The following CREM variants were observed in gnomAD, a reference collection of about 807,000 sequenced individuals.
CREM encodes cAMP responsive element modulator, also known as cAMP-responsive element modulator.
CREM carries 13 observed loss-of-function variants against 37.3 expected under a neutral mutation model. That is an observed-to-expected ratio of 0.35 (90% CI 0.23 to 0.55). The LOEUF is 0.55. Among genes scored for constraint, CREM ranks in the 20% least tolerant of loss-of-function variants. CREM has a pLI of 0.88. For missense variants in CREM, 296 were observed against 362.3 expected (o/e 0.82, Z 1.49); for synonymous variants, 124 against 120.2 (o/e 1.03, Z -0.21).
In CREM at chr10:35,159,899, G is replaced by A. The variant is rs188346506; in HGVS notation, c.168+11408G>A. On this transcript the variant is annotated intron_variant, in intron 3 of 7. Coordinates refer to ENST00000685392, the MANE Select transcript of CREM (RefSeq NM_183011.2). ...AAACAACCTGATTTTCTAAAAATGT[G>A]CAGAAGACCCGAATAGATTTTTCTC... Among the ~76,000 whole-genome samples, 242 of 152,328 alleles carry A rather than the reference G, an allele frequency of 1.6e-3. 1 individual carries two copies. Among genetic ancestry groups the A allele is most frequent in the Non-Finnish European group, 2.2e-3 (152 of 68,022 alleles).
At chr10:35,163,045 C>CAA (rs202089146) in intron 3 of CREM, among the ~76,000 whole-genome samples, 8 of 144,450 alleles carry the variant, frequency 5.5e-5, no homozygotes, top group South Asian at 2.2e-4. Flanking sequence ...TCCATCTCTA[C>CAA]AAAAAAAAAA....
At chr10:35,144,593 C>A (rs952312178) in intron 2 of CREM, among the ~76,000 whole-genome samples, 4 of 151,824 alleles carry the variant, frequency 2.6e-5, no homozygotes, top group African/African-American at 9.7e-5. Flanking sequence ...TGGGAAATGC[C>A]CCCAGAGAAA....
At chr10:35,163,654 C>G (rs2093400801) in intron 3 of CREM, among the ~76,000 whole-genome samples, 1 of 152,038 alleles carries the variant, frequency 6.6e-6, no homozygotes, top group Non-Finnish European at 1.5e-5. Flanking sequence ...AACCTTGTCT[C>G]TATTAAAAAT....
At chr10:35,185,544 C>G (rs948733071) in intron 5 of CREM, among the ~76,000 whole-genome samples, 1 of 152,208 alleles carries the variant, frequency 6.6e-6, no homozygotes, top group South Asian at 2.1e-4. Flanking sequence ...TTACTCATGT[C>G]TAGCCACAAG....
chr10:35,176,091 G>A (rs1260728407), intron 3 of CREM: 1 of 1,451,332 alleles, frequency 6.9e-7, no homozygotes, highest in East Asian at 2.5e-5. Context: ...TCTTTATGAA[G>A]TGCTTATACG....
intron 3 of CREM, among the ~76,000 whole-genome samples, chr10:35,165,925 G>A (rs2093527562): frequency 6.6e-6 from 1 of 152,042 alleles, no homozygotes; most frequent in Non-Finnish European, 1.5e-5. Context: ...AAACCCTTCT[G>A]GATAATTAAG....
intron 3 of CREM, among the ~76,000 whole-genome samples, chr10:35,174,891 AAAGTT>A (rs2093980100): frequency 6.6e-6 from 1 of 152,218 alleles, no homozygotes; most frequent in Non-Finnish European, 1.5e-5. Flanking sequence ...ATCTCTGCCC[AAAGTT>A]AAGTGATAGT....
intron 3 of CREM, among the ~76,000 whole-genome samples, chr10:35,168,806 T>C (rs1292004552): frequency 1.3e-5 from 2 of 152,220 alleles, no homozygotes; most frequent in Non-Finnish European, 2.9e-5. Context: ...GGTTTCAGCT[T>C]TTTACATATG....
At chr10:35,177,777 G>C (rs2094158573) in intron 3 of CREM, among the ~76,000 whole-genome samples, 1 of 152,154 alleles carries the variant, frequency 6.6e-6, no homozygotes, top group Non-Finnish European at 1.5e-5. Context: ...TTCTAAAATA[G>C]GTAAATTAAT....
At chr10:35,195,521 T>A (rs1427215671) in intron 6 of CREM, among the ~76,000 whole-genome samples, 1 of 151,930 alleles carries the variant, frequency 6.6e-6, no homozygotes, top group African/African-American at 2.4e-5. Flanking sequence ...TCCATCTCTG[T>A]GTCTCTCTTT....
chr10:35,204,621 A>G (rs571470538), intron 6 of CREM, among the ~76,000 whole-genome samples: 1 of 151,476 alleles, frequency 6.6e-6, no homozygotes, highest in Admixed American at 6.6e-5. Flanking sequence ...AAAAAAATCA[A>G]TTATTCCCTA....
At chr10:35,198,541 A>C (rs2095285774) in intron 6 of CREM, among the ~76,000 whole-genome samples, 1 of 151,826 alleles carries the variant, frequency 6.6e-6, no homozygotes, top group Non-Finnish European at 1.5e-5. Flanking sequence ...AAAAAAAGTA[A>C]ATGACTATAG....
At chr10:35,191,333 A>G (rs1389580722) in intron 6 of CREM, among the ~76,000 whole-genome samples, 1 of 152,198 alleles carries the variant, frequency 6.6e-6, no homozygotes, top group African/African-American at 2.4e-5. Context: ...CTAATAATTT[A>G]CTGATTCTTT....
intron 1 of CREM, among the ~76,000 whole-genome samples, chr10:35,135,878 G>C (rs1487375569): frequency 6.6e-6 from 1 of 152,132 alleles, no homozygotes; most frequent in Non-Finnish European, 1.5e-5. Flanking sequence ...TGCTGTAGGG[G>C]TATTGAGGAA....
chr10:35,188,778 T>C (rs2094770371), intron 6 of CREM, among the ~76,000 whole-genome samples: 1 of 151,766 alleles, frequency 6.6e-6, no homozygotes, highest in Non-Finnish European at 1.5e-5. Context: ...CTGCCTCAGC[T>C]TCCCGGGGAG....
chr10:35,165,624 A>G (rs1413441790), intron 3 of CREM, among the ~76,000 whole-genome samples: 1 of 152,084 alleles, frequency 6.6e-6, no homozygotes, highest in Non-Finnish European at 1.5e-5. Context: ...CTGAAACCAA[A>G]TACGAGATTG....
intron 6 of CREM, among the ~76,000 whole-genome samples, chr10:35,201,877 G>A (rs2095395474): frequency 6.6e-6 from 1 of 152,152 alleles, no homozygotes; most frequent in African/African-American, 2.4e-5. Context: ...AAGAAAGACT[G>A]CTTATTTTAA....
chr10:35,210,631 T>C (rs1271808882), intron 7 of CREM: 1 of 152,178 alleles, frequency 6.6e-6, no homozygotes, highest in African/African-American at 2.4e-5. Context: ...GTAGCCCCCT[T>C]CTTTAATTTT....
intron 6 of CREM, among the ~76,000 whole-genome samples, chr10:35,189,368 T>A (rs1415796866): frequency 2.6e-5 from 4 of 152,212 alleles, no homozygotes; most frequent in African/African-American, 4.8e-5. Context: ...GTGCCTATGA[T>A]AACTGTAATA....
Sources: allele counts gnomAD v4.1 joint callset (sites outside exome capture counted in the v4.1 genomes callset), GRCh38; gene constraint gnomAD v4.1.1; transcripts MANE v1.5; gene names NCBI Gene and HGNC (gene_info 2026-07-23, HGNC 2026-07-21).